CACNA2D3: variants seen among roughly 807,000 people sequenced by gnomAD.
CACNA2D3 encodes the protein voltage-dependent calcium channel subunit alpha-2/delta-3.
Under a neutral mutation model 160.6 loss-of-function variants are expected in CACNA2D3, and 60 were observed. The ratio of observed to expected loss-of-function variants is 0.37; its 90% CI spans 0.30 to 0.46. The LOEUF is 0.46. CACNA2D3 is among the 20% of genes least tolerant of loss of function. The pLI, the probability that CACNA2D3 is intolerant of heterozygous loss-of-function variation, is 1.00. For missense variants in CACNA2D3, 1,205 were observed against 1,365.0 expected, an observed-to-expected ratio of 0.88 and a Z score of 1.85; for synonymous variants, 558 against 492.9, an observed-to-expected ratio of 1.13 and a Z score of -1.75.
At chr3:54,277,276 CTTT>C (rs1702769348) in intron 2 of CACNA2D3, among the ~76,000 whole-genome samples, 1 of 152,222 alleles carries the variant, frequency 6.6e-6, no homozygotes, top group Non-Finnish European at 1.5e-5. Flanking sequence ...ATGTTTAAGT[CTTT>C]AATCCATATT....
rs560462561 is a variant in CACNA2D3 at position 54,140,994 on chromosome 3, C to T, written c.204+17400C>T. ...CCATGACTATAAGCTAGTGGGGGCT[C>T]GTTGGCACCTCTCTGTGGTGTTGTC... is the stretch of plus-strand genomic sequence containing the variant. On this transcript the variant is annotated intron_variant, in intron 2 of 37. Coordinates refer to ENST00000474759, the MANE Select transcript of CACNA2D3 (RefSeq NM_018398.3). 4.6e-5 allele frequency among the ~76,000 whole-genome samples: 7 copies of T among 151,680 alleles called. No individual in the cohort carries two copies. The South Asian group carries it at 6.2e-4, about 14-fold the overall frequency.
intron 2 of CACNA2D3, among the ~76,000 whole-genome samples, chr3:54,305,913 A>C (rs767489496): frequency 6.6e-6 from 1 of 152,154 alleles, no homozygotes; most frequent in Non-Finnish European, 1.5e-5. Context: ...GTTGATGTGG[A>C]TATCTCCTTG....
chr3:54,760,574 G>C (rs568436453), intron 12 of CACNA2D3, among the ~76,000 whole-genome samples: 1 of 152,294 alleles, frequency 6.6e-6, no homozygotes, highest in East Asian at 1.9e-4. Context: ...ATCTCTGATG[G>C]CTGTGAGGAG....
At chr3:54,487,468 G>C (rs1288997749) in intron 4 of CACNA2D3, among the ~76,000 whole-genome samples, 2 of 152,216 alleles carry the variant, frequency 1.3e-5, no homozygotes, top group African/African-American at 2.4e-5. Context: ...GACAAGTCCT[G>C]GAGTGGAGAC....
At chr3:54,472,915 C>A (rs1700760343) in intron 4 of CACNA2D3, among the ~76,000 whole-genome samples, 1 of 152,170 alleles carries the variant, frequency 6.6e-6, no homozygotes, top group South Asian at 2.1e-4. Flanking sequence ...ATTCCTTGCT[C>A]ATGGATAGGA....
At chr3:54,992,621 G>C (rs1702765178) in intron 31 of CACNA2D3, among the ~76,000 whole-genome samples, 1 of 151,968 alleles carries the variant, frequency 6.6e-6, no homozygotes, top group Non-Finnish European at 1.5e-5. Flanking sequence ...AGAGGGAAGA[G>C]CCCCCAGCCC....
In CACNA2D3 at chr3:54,888,072, C is replaced by G; in HGVS notation, c.2150+20C>G. ...ATCTGAGTAAGTGGTTGCACGTGTC[C>G]TCGTTTCATGGCCATTTCCTCACCA... On this transcript the variant is annotated intron_variant, in intron 24 of 37. Coordinates refer to ENST00000474759, the MANE Select transcript of CACNA2D3 (RefSeq NM_018398.3). 1.3e-6 allele frequency: 2 copies of G among 1,572,356 alleles called. No individual in the cohort carries two copies. Among genetic ancestry groups the G allele is most frequent in the Non-Finnish European group, 1.8e-6 (2 of 1,142,044 alleles).
intron 27 of CACNA2D3, among the ~76,000 whole-genome samples, chr3:54,961,664 A>T (rs1702032514): frequency 2.0e-5 from 3 of 152,112 alleles, no homozygotes; most frequent in Admixed American, 6.5e-5. Context: ...GGCCTGATTG[A>T]TGTGCACAGG....
chr3:54,820,489 A>G (rs553274949), intron 14 of CACNA2D3, among the ~76,000 whole-genome samples: 2 of 152,082 alleles, frequency 1.3e-5, no homozygotes, highest in East Asian at 1.9e-4. Flanking sequence ...TAATTCCTAG[A>G]CTCTATAAAT....
chr3:54,935,264 C>T (rs991274102), intron 27 of CACNA2D3, among the ~76,000 whole-genome samples: 1 of 152,170 alleles, frequency 6.6e-6, no homozygotes, highest in African/African-American at 2.4e-5. Context: ...CCTCCCTATA[C>T]TGTCAGGGTT....
rs1702163356 is a variant in CACNA2D3 at position 54,763,870 on chromosome 3, CGTATATAT to C, written c.1247-347_1247-340del. Among the ~76,000 whole-genome samples the C allele has an allele frequency of 5.0e-5, 3 of 59,450 alleles. 1 individual carries two copies. The highest frequency in any genetic ancestry group is 1.9e-4 in the African/African-American group (3 of 16,002). 39.0% of individuals were successfully genotyped at this position (59,450 alleles called of 152,430 possible). A position where few individuals can be genotyped will look rare whatever the true frequency, so the allele number is the denominator to read the frequency against. On this transcript the variant is annotated intron_variant, in intron 12 of 37. Coordinates refer to ENST00000474759, the MANE Select transcript of CACNA2D3 (RefSeq NM_018398.3). ...GTACATATATATACATATATATATA[CGTATATAT>C]ATGTATATATATGTATGTGGGGGGG...
chr3:54,183,850 A>G (rs1290784209), intron 2 of CACNA2D3, among the ~76,000 whole-genome samples: 1 of 132,640 alleles, frequency 7.5e-6, no homozygotes, highest in Non-Finnish European at 1.5e-5. Flanking sequence ...GCGCCACTGC[A>G]CTCGAGCCTC....
chr3:54,422,320 T>C (rs1416095946), intron 4 of CACNA2D3, among the ~76,000 whole-genome samples: 1 of 152,190 alleles, frequency 6.6e-6, no homozygotes, highest in Non-Finnish European at 1.5e-5. Flanking sequence ...GCAGTAGTGT[T>C]AGTAACCTTT....
chr3:54,369,680 G>C (rs983972475), intron 3 of CACNA2D3, among the ~76,000 whole-genome samples: 1 of 152,120 alleles, frequency 6.6e-6, no homozygotes, highest in African/African-American at 2.4e-5. Flanking sequence ...TTCCCACCTG[G>C]GACATCTGCC....
intron 3 of CACNA2D3, among the ~76,000 whole-genome samples, chr3:54,349,473 A>C (rs1698514484): frequency 6.6e-6 from 1 of 152,140 alleles, no homozygotes; most frequent in South Asian, 2.1e-4. Flanking sequence ...TCCTCACCAC[A>C]GCCCTTAATG....
At chr3:54,132,970 G>A (rs1699742978) in intron 2 of CACNA2D3, among the ~76,000 whole-genome samples, 1 of 152,164 alleles carries the variant, frequency 6.6e-6, no homozygotes, top group African/African-American at 2.4e-5. Flanking sequence ...CATGGGAAGT[G>A]TATAGAAAAG....
chr3:54,815,415 A>C (rs1285340637), intron 13 of CACNA2D3, among the ~76,000 whole-genome samples: 8 of 152,200 alleles, frequency 5.3e-5, no homozygotes, highest in Admixed American at 4.6e-4. Context: ...GTTTAGGGCA[A>C]GTTTAAGAGA....
chr3:54,560,093 A>G (rs1702301996), intron 5 of CACNA2D3, among the ~76,000 whole-genome samples: 1 of 152,208 alleles, frequency 6.6e-6, no homozygotes, highest in East Asian at 1.9e-4. Context: ...TCCTTTGAGT[A>G]TATGCCCAGT....
chr3:54,972,140 G>A (rs1267741929), intron 29 of CACNA2D3, among the ~76,000 whole-genome samples: 3 of 152,164 alleles, frequency 2.0e-5, no homozygotes, highest in Non-Finnish European at 2.9e-5. Flanking sequence ...CACAGGCTAC[G>A]ACCTCTTGCT....
Sources: gnomAD v4.1 joint callset for allele counts (sites outside exome capture counted in the v4.1 genomes callset) on GRCh38, gnomAD v4.1.1 for gene constraint, MANE v1.5 for transcripts, NCBI Gene and HGNC (gene_info 2026-07-23, HGNC 2026-07-21) for gene names.